Variants in SLC38A9 observed in about 807,000 individuals in gnomAD.
SLC38A9 encodes solute carrier family 38 member 9.
Under a neutral mutation model 62.3 loss-of-function variants are expected in SLC38A9, and 48 were observed. The observed-to-expected ratio is 0.77, with a 90% CI of 0.61 to 0.98. SLC38A9 has a LOEUF of 0.98. Ranked by LOEUF, SLC38A9 falls within the 50% of genes least tolerant of loss-of-function variation. The pLI is 0.00. For synonymous variants in SLC38A9, 204 were observed against 227.7 expected, an observed-to-expected ratio of 0.90 and a Z score of 0.94; for missense variants, 541 against 679.8, an observed-to-expected ratio of 0.80 and a Z score of 2.27.
chr5:55,691,098 T>A, intron 3 of SLC38A9: 1 of 693,630 alleles, frequency 1.4e-6, no homozygotes, highest in Non-Finnish European at 2.6e-6. Context: ...GCAGTAGGAA[T>A]GCTGCCTGTA....
chr5:55,686,545 A>G (rs1280028379), intron 3 of SLC38A9, among the ~76,000 whole-genome samples: 1 of 152,196 alleles, frequency 6.6e-6, no homozygotes, highest in Non-Finnish European at 1.5e-5. Flanking sequence ...ATAGTTCGCA[A>G]AAATTTTCTT....
chr5:55,701,187 T>G (rs2150670532), intron 2 of SLC38A9, among the ~76,000 whole-genome samples: 1 of 152,368 alleles, frequency 6.6e-6, no homozygotes, highest in South Asian at 2.1e-4. Flanking sequence ...GAAAGTTCTA[T>G]TAATTTAGGC....
intron 4 of SLC38A9, among the ~76,000 whole-genome samples, chr5:55,670,490 G>C (rs1751126567): frequency 6.6e-6 from 1 of 152,062 alleles, no homozygotes; most frequent in Non-Finnish European, 1.5e-5. Context: ...AACTAAAAAA[G>C]CAAGAGTTTA....
chr5:55,644,351 CACTATTTGTTTTCTATT>C (rs1745943083), intron 12 of SLC38A9, among the ~76,000 whole-genome samples: 3 of 27,434 alleles, frequency 1.1e-4, no homozygotes, highest in African/African-American at 2.5e-4. Flanking sequence ...TTCTATTTGT[CACTATTTGTTTTCTATT>C]TGTCACATCT....
At chr5:55,693,943 G>A (rs1755072722) in intron 3 of SLC38A9, 1 of 152,970 alleles carries the variant, frequency 6.5e-6, no homozygotes, top group Non-Finnish European at 1.5e-5. Context: ...GTGTGCACCT[G>A]TAGTCCCAGC....
At chr5:55,686,101 C>CACAG (rs1753775829) in intron 3 of SLC38A9, among the ~76,000 whole-genome samples, 1 of 152,086 alleles carries the variant, frequency 6.6e-6, no homozygotes, top group Non-Finnish European at 1.5e-5. Context: ...GTACATGTAT[C>CACAG]TTTATAATAT....
chr5:55,671,660 C>A (rs1173999094), intron 4 of SLC38A9, among the ~76,000 whole-genome samples: 1 of 151,932 alleles, frequency 6.6e-6, no homozygotes, highest in African/African-American at 2.4e-5. Context: ...CCAGCCTGGC[C>A]AACATGGTGA....
chr5:55,695,139 T>A (rs1363712861), intron 3 of SLC38A9, among the ~76,000 whole-genome samples: 1 of 94,936 alleles, frequency 1.1e-5, no homozygotes. Flanking sequence ...TTTTTCTTAG[T>A]GTTAAATTTT....
Position 55,626,258 on chromosome 5 carries a change from G to A in SLC38A9, c.*236C>T. On this transcript the variant is annotated 3_prime_UTR_variant, in exon 16 of 16. Transcript: ENST00000396865. ...ACATTTCTATTCAGAAAAGACCACA[G>A]AATAAAGAGGTGAGTTAATATGAGA... The A allele has an allele frequency of 2.8e-6, 1 of 353,662 alleles. No individual in the cohort carries two copies. Among genetic ancestry groups the A allele is most frequent in the Non-Finnish European group, 5.1e-6 (1 of 194,880 alleles). 21.9% of individuals were successfully genotyped at this position (353,662 alleles called of 1,614,324 possible). A position where few individuals can be genotyped will look rare whatever the true frequency, so the allele number is the denominator to read the frequency against.
At chr5:55,686,464 TG>T (rs1753834786) in intron 3 of SLC38A9, among the ~76,000 whole-genome samples, 1 of 152,192 alleles carries the variant, frequency 6.6e-6, no homozygotes, top group Non-Finnish European at 1.5e-5. Context: ...CACTTTTTAA[TG>T]GGGTTGTTTT....
chr5:55,657,523 T>G (rs549511808), intron 8 of SLC38A9, among the ~76,000 whole-genome samples: 1 of 151,514 alleles, frequency 6.6e-6, no homozygotes, highest in East Asian at 2.0e-4. Flanking sequence ...CAATACATAC[T>G]TTTATAGATC....
intron 3 of SLC38A9, among the ~76,000 whole-genome samples, chr5:55,681,229 T>C (rs1406331735): frequency 6.6e-6 from 1 of 152,220 alleles, no homozygotes; most frequent in Non-Finnish European, 1.5e-5. Flanking sequence ...ATAAAAATTA[T>C]GCAGAAAGCT....
chr5:55,665,780 A>G (rs1425800659), intron 7 of SLC38A9, among the ~76,000 whole-genome samples: 1 of 151,750 alleles, frequency 6.6e-6, no homozygotes, highest in Non-Finnish European at 1.5e-5. Flanking sequence ...CCTGAGCAAC[A>G]TGGCAAAACC....
intron 3 of SLC38A9, among the ~76,000 whole-genome samples, chr5:55,694,898 G>A (rs1427775213): frequency 6.6e-6 from 1 of 152,072 alleles, no homozygotes; most frequent in Non-Finnish European, 1.5e-5. Flanking sequence ...GATTACAGGT[G>A]TGCGCCACCA....
At chr5:55,695,152 T>A (rs78042374) in intron 3 of SLC38A9, among the ~76,000 whole-genome samples, 32 of 151,426 alleles carry the variant, frequency 2.1e-4, no homozygotes, top group East Asian at 1.2e-3. Flanking sequence ...TAAATTTTTT[T>A]AATATGCAAT....
intron 8 of SLC38A9, among the ~76,000 whole-genome samples, chr5:55,662,140 G>A (rs1749684239): frequency 6.6e-6 from 1 of 152,068 alleles, no homozygotes; most frequent in Non-Finnish European, 1.5e-5. Context: ...GTGTCTATAA[G>A]GTCCATAACT....
intron 14 of SLC38A9, among the ~76,000 whole-genome samples, chr5:55,629,577 C>A (rs555511066): frequency 1.3e-5 from 2 of 152,136 alleles, no homozygotes; most frequent in Admixed American, 6.5e-5. Flanking sequence ...AGGAAAAGTA[C>A]CTGTGTGGCT....
At chr5:55,661,941 G>A (rs1032879562) in intron 8 of SLC38A9, among the ~76,000 whole-genome samples, 2 of 152,202 alleles carry the variant, frequency 1.3e-5, no homozygotes, top group Non-Finnish European at 2.9e-5. Flanking sequence ...CTTATGAGGA[G>A]AAATGCAAAT....
In SLC38A9 at chr5:55,626,208, C is replaced by G. The variant is rs1742392732; in HGVS notation, c.*286G>C. The G allele has an allele frequency of 4.5e-6, 1 of 222,080 alleles. No homozygotes were observed. Among genetic ancestry groups the G allele is most frequent in the Non-Finnish European group, 8.9e-6 (1 of 112,848 alleles). 13.8% of individuals were successfully genotyped at this position (222,080 alleles called of 1,614,324 possible). On this transcript the variant is annotated 3_prime_UTR_variant, in exon 16 of 16. Coordinates refer to ENST00000396865, the MANE Select transcript of SLC38A9 (RefSeq NM_173514.4). ...CACCTTTTATCTCTAAAAGCAAAAC[C>G]CAGCATGATTTCTTCCTAGGGCATA...
Sources: gnomAD v4.1 joint callset for allele counts (sites outside exome capture counted in the v4.1 genomes callset) on GRCh38, gnomAD v4.1.1 for gene constraint, MANE v1.5 for transcripts, NCBI Gene and HGNC (gene_info 2026-07-23, HGNC 2026-07-21) for gene names.